The following SDK1 variants were observed in gnomAD, a reference collection of about 807,000 sequenced individuals.
SDK1 encodes protein sidekick-1.
A neutral mutation model predicts 245.5 loss-of-function variants in SDK1; 157 were observed. That is an observed-to-expected ratio of 0.64 (90% CI 0.56 to 0.73). The LOEUF is 0.73. SDK1 is among the 30% of genes least tolerant of loss of function. The probability of loss-of-function intolerance (pLI) is 0.00; values close to 1 mark genes in which losing one functional copy is unlikely to be tolerated. For synonymous variants in SDK1, 1,647 were observed against 1,278.5 expected, an observed-to-expected ratio of 1.29 and a Z score of -6.15; for missense variants, 3,583 against 3,002.3, an observed-to-expected ratio of 1.19 and a Z score of -4.52.
intron 23 of SDK1, among the ~76,000 whole-genome samples, chr7:4,111,911 C>T (rs980210606): frequency 1.3e-5 from 2 of 152,114 alleles, no homozygotes; most frequent in Non-Finnish European, 2.9e-5. Flanking sequence ...CATTGAACTC[C>T]ACCTTCATTT....
At position 4,001,033 on chromosome 7, in the gene SDK1, G is replaced by A. The variant is rs534478608; in HGVS notation, c.2132-9933G>A. ...AGATGGGGGTCAGAGAGCCCAGGGTGGCTCCCACATCCTTGGTTGGTCCTC... is the reference window on the plus strand; with the variant it reads ...AGATGGGGGTCAGAGAGCCCAGGGTAGCTCCCACATCCTTGGTTGGTCCTC... On this transcript the variant is annotated intron_variant, in intron 14 of 44. Coordinates refer to ENST00000404826, the MANE Select transcript of SDK1 (RefSeq NM_152744.4). Among the ~76,000 whole-genome samples the A allele has an allele frequency of 6.6e-5, 10 of 152,280 alleles. 1 individual carries two copies. In the South Asian group the frequency reaches 2.1e-3, roughly 32 times the overall value.
intron 4 of SDK1, among the ~76,000 whole-genome samples, chr7:3,644,245 A>G (rs563330972): frequency 4.5e-5 from 1 of 22,110 alleles, no homozygotes; most frequent in East Asian, 8.7e-4. Flanking sequence ...ACAAAAATTT[A>G]TATATATATA....
chr7:4,039,660 C>T (rs1205641844), intron 17 of SDK1, among the ~76,000 whole-genome samples: 11 of 152,112 alleles, frequency 7.2e-5, no homozygotes, highest in Admixed American at 7.2e-4. Context: ...ATTTTGAAAA[C>T]TCAATTATTT....
At chr7:3,964,661 A>C (rs1284529398) in intron 9 of SDK1, among the ~76,000 whole-genome samples, 2 of 152,164 alleles carry the variant, frequency 1.3e-5, no homozygotes, top group African/African-American at 2.4e-5. Context: ...TTCTAAAATG[A>C]AGTAGAATCT....
intron 1 of SDK1, among the ~76,000 whole-genome samples, chr7:3,340,274 G>A (rs1370927056): frequency 6.6e-6 from 1 of 152,044 alleles, no homozygotes; most frequent in Non-Finnish European, 1.5e-5. Context: ...CACAGAAAGT[G>A]GTTTCCCAGT....
chr7:3,953,317 C>G (rs549731173), intron 7 of SDK1, among the ~76,000 whole-genome samples: 2 of 152,332 alleles, frequency 1.3e-5, no homozygotes, highest in South Asian at 2.1e-4. Context: ...AAATACAATG[C>G]AGTGCAAACC....
chr7:3,942,899 C>T (rs1207142520), intron 5 of SDK1, among the ~76,000 whole-genome samples: 1 of 152,176 alleles, frequency 6.6e-6, no homozygotes. Flanking sequence ...ATGCCTGAGT[C>T]TCATGGCTCA....
chr7:3,511,541 A>T (rs1419739184), intron 1 of SDK1, among the ~76,000 whole-genome samples: 1 of 152,160 alleles, frequency 6.6e-6, no homozygotes, highest in East Asian at 1.9e-4. Context: ...GACTCTGTTA[A>T]ATGGCTTGTC....
intron 4 of SDK1, among the ~76,000 whole-genome samples, chr7:3,655,450 TA>T (rs1450401819): frequency 7.3e-4 from 3 of 4,128 alleles, no homozygotes; most frequent in African/African-American, 2.6e-3. Flanking sequence ...ACAAAACAAA[TA>T]TATATATATA....
rs886295400 is a variant in SDK1 at position 3,910,689 on chromosome 7, T to TG, written c.848-40233dup. Among the ~76,000 whole-genome samples the TG allele has an allele frequency of 4.6e-5, 7 of 152,294 alleles. No homozygotes were observed. The East Asian group carries it at 1.4e-3, about 29-fold the overall frequency. On this transcript the variant is annotated intron_variant, in intron 5 of 44. Transcript: ENST00000404826. ...GAATGGGACGTCCTCCTTTCCCAGTTGCATGATACATAGTGTTCAGTGTTA... is the reference window on the plus strand; with the variant it reads ...GAATGGGACGTCCTCCTTTCCCAGTTGGCATGATACATAGTGTTCAGTGTTA...
intron 1 of SDK1, among the ~76,000 whole-genome samples, chr7:3,334,414 G>A (rs935506437): frequency 2.0e-5 from 3 of 152,084 alleles, no homozygotes; most frequent in African/African-American, 7.2e-5. Context: ...TTGTCCTCCT[G>A]TTCTTCCCTG....
chr7:4,068,749 T>C (rs979417240), intron 20 of SDK1, among the ~76,000 whole-genome samples: 3 of 151,532 alleles, frequency 2.0e-5, no homozygotes, highest in African/African-American at 7.3e-5. Context: ...TGAGACAGGG[T>C]CTTGCTCTCT....
intron 5 of SDK1, among the ~76,000 whole-genome samples, chr7:3,883,541 C>G (rs188586026): frequency 4.6e-4 from 70 of 152,278 alleles, no homozygotes; most frequent in African/African-American, 1.6e-3. Flanking sequence ...CATCCAGTAA[C>G]CAGGGCACAT....
intron 1 of SDK1, among the ~76,000 whole-genome samples, chr7:3,397,757 C>T (rs375857493): frequency 2.2e-4 from 34 of 152,088 alleles, no homozygotes; most frequent in Admixed American, 1.4e-3. Context: ...AGTGTTTTTG[C>T]GGTTTTTAAA....
chr7:3,394,484 A>G (rs1781841989), intron 1 of SDK1, among the ~76,000 whole-genome samples: 1 of 151,922 alleles, frequency 6.6e-6, no homozygotes, highest in African/African-American at 2.4e-5. Flanking sequence ...TTTTTTCAAA[A>G]TTGTTTTGAT....
chr7:3,648,072 C>G lies in SDK1; in HGVS notation c.713+5967C>G, dbSNP rs559631533. 3.9e-5 allele frequency among the ~76,000 whole-genome samples: 6 copies of G among 152,280 alleles called. No homozygotes were observed. The South Asian group carries it at 1.2e-3, about 32-fold the overall frequency. ...TCTGATTTACTGAGTCCAAAGTTTGCTATCTTTGCATATCAAAGATGAGCT... is the reference window on the plus strand; with the variant it reads ...TCTGATTTACTGAGTCCAAAGTTTGGTATCTTTGCATATCAAAGATGAGCT... On this transcript the variant is annotated intron_variant, in intron 4 of 44. Coordinates refer to ENST00000404826, the MANE Select transcript of SDK1 (RefSeq NM_152744.4).
At chr7:3,356,588 T>C (rs1468074436) in intron 1 of SDK1, among the ~76,000 whole-genome samples, 1 of 152,202 alleles carries the variant, frequency 6.6e-6, no homozygotes, top group African/African-American at 2.4e-5. Context: ...AAGATAATTT[T>C]ATCTGACCAA....
chr7:3,777,112 C>G (rs1258837564), intron 4 of SDK1, among the ~76,000 whole-genome samples: 1 of 152,156 alleles, frequency 6.6e-6, no homozygotes, highest in East Asian at 1.9e-4. Context: ...TACTCTCAAC[C>G]CCCTTGGCGC....
At chr7:4,086,452 G>A (rs905427090) in intron 22 of SDK1, among the ~76,000 whole-genome samples, 3 of 152,212 alleles carry the variant, frequency 2.0e-5, no homozygotes, top group African/African-American at 4.8e-5. Context: ...TTCGGGTTGC[G>A]GCAGAATTCA....
Sources: allele counts gnomAD v4.1 joint callset (sites outside exome capture counted in the v4.1 genomes callset), GRCh38; gene constraint gnomAD v4.1.1; transcripts MANE v1.5; gene names NCBI Gene and HGNC (gene_info 2026-07-23, HGNC 2026-07-21).